Variants in SPATA6 observed in about 807,000 individuals in gnomAD.
The protein encoded by SPATA6 is spermatogenesis-associated protein 6.
A neutral mutation model predicts 65.3 loss-of-function variants in SPATA6; 56 were observed. The observed-to-expected ratio is 0.86, with a 90% CI of 0.69 to 1.07. The LOEUF is 1.07. Ranked by LOEUF, SPATA6 falls within the 50% of genes least tolerant of loss-of-function variation. The pLI is 0.00. For synonymous variants in SPATA6, 199 were observed against 213.2 expected (o/e 0.93, Z 0.58); for missense variants, 590 against 594.8 (o/e 0.99, Z 0.08).
intron 1 of SPATA6, among the ~76,000 whole-genome samples, chr1:48,455,650 G>A (rs1315228069): frequency 6.6e-6 from 1 of 152,116 alleles, no homozygotes; most frequent in African/African-American, 2.4e-5. Flanking sequence ...AAAGTGCTGG[G>A]ATTACAGGCA....
chr1:48,356,791 A>C (rs1295429291), intron 10 of SPATA6, among the ~76,000 whole-genome samples: 1 of 151,944 alleles, frequency 6.6e-6, no homozygotes. Context: ...GCATGAGCCC[A>C]GTTTGTTCTT....
intron 3 of SPATA6, among the ~76,000 whole-genome samples, chr1:48,435,338 T>G (rs957752127): frequency 4.6e-5 from 7 of 150,602 alleles, no homozygotes; most frequent in Admixed American, 1.3e-4. Flanking sequence ...GCTAAAGGAT[T>G]GTAAATGCAC....
chr1:48,462,691 A>G (rs1430545092), intron 1 of SPATA6, among the ~76,000 whole-genome samples: 1 of 152,232 alleles, frequency 6.6e-6, no homozygotes, highest in African/African-American at 2.4e-5. Context: ...GAGAGCATTT[A>G]CAACAATTGG....
intron 8 of SPATA6, among the ~76,000 whole-genome samples, chr1:48,394,648 C>T (rs1650407287): frequency 6.6e-6 from 1 of 151,974 alleles, no homozygotes; most frequent in South Asian, 2.1e-4. Flanking sequence ...TGTAATGATT[C>T]TATTAATGAT....
At chr1:48,300,213 C>T (rs1644904702) in intron 12 of SPATA6, among the ~76,000 whole-genome samples, 1 of 152,132 alleles carries the variant, frequency 6.6e-6, no homozygotes, top group Non-Finnish European at 1.5e-5. Flanking sequence ...TCCGGAATTA[C>T]ATTTTTTATG....
chr1:48,305,009 C>T lies in SPATA6; in HGVS notation c.1286+778G>A, dbSNP rs529848063. Reference sequence around the variant, plus strand: ...ACTGTTTAAAGAGAGGCCTAGGTTGCTTCTTGCTTGGGAGGCAATAACTTT... The same window carrying T: ...ACTGTTTAAAGAGAGGCCTAGGTTGTTTCTTGCTTGGGAGGCAATAACTTT... On this transcript the variant is annotated intron_variant, in intron 12 of 12. Transcript: ENST00000371847. Among the ~76,000 whole-genome samples, 4 of 152,246 alleles carry T rather than the reference C, an allele frequency of 2.6e-5. No individual in the cohort carries two copies. The South Asian group carries it at 8.3e-4, about 32-fold the overall frequency.
chr1:48,303,082 A>G (rs758954424), intron 12 of SPATA6, among the ~76,000 whole-genome samples: 1 of 152,112 alleles, frequency 6.6e-6, no homozygotes, highest in Non-Finnish European at 1.5e-5. Context: ...CCTCCAGGTT[A>G]TAATGTCACA....
chr1:48,452,204 C>G (rs1441716467), intron 2 of SPATA6, among the ~76,000 whole-genome samples: 47 of 151,222 alleles, frequency 3.1e-4, no homozygotes, highest in Admixed American at 3.0e-3. Flanking sequence ...AGAGTAGGTT[C>G]TGGAGAAAAA....
Position 48,298,354 on chromosome 1 carries a change from G to T in SPATA6, c.*359C>A. ...AGGCAAGATAACCAGTTAAGTAGAT[G>T]AGAAGAAAATTGCAAGGTGAGTAAG... On this transcript the variant is annotated 3_prime_UTR_variant, in exon 13 of 13. Coordinates refer to ENST00000371847, the MANE Select transcript of SPATA6 (RefSeq NM_019073.4). 6.3e-6 allele frequency: 1 copy of T among 159,478 alleles called. No homozygotes were observed. Among genetic ancestry groups the T allele is most frequent in the Non-Finnish European group, 1.4e-5 (1 of 73,176 alleles). 9.9% of individuals were successfully genotyped at this position (159,478 alleles called of 1,614,324 possible).
intron 11 of SPATA6, among the ~76,000 whole-genome samples, chr1:48,331,305 A>C (rs2148730347): frequency 6.6e-6 from 1 of 152,216 alleles, no homozygotes; most frequent in African/African-American, 2.4e-5. Flanking sequence ...GACTGCTGAA[A>C]CCCAATGCAA....
intron 9 of SPATA6, 89 bp downstream of exon 9, chr1:48,385,220 T>C: frequency 9.1e-7 from 1 of 1,099,248 alleles, no homozygotes. Flanking sequence ...AATTTGATAA[T>C]CCCTATCTGA....
At chr1:48,363,506 T>C (rs1193947166) in intron 9 of SPATA6, among the ~76,000 whole-genome samples, 2 of 152,106 alleles carry the variant, frequency 1.3e-5, no homozygotes, top group African/African-American at 4.8e-5. Flanking sequence ...ACACAAAAAT[T>C]AAATGAAAGG....
At chr1:48,470,144 T>G (rs1179878114) in intron 1 of SPATA6, among the ~76,000 whole-genome samples, 1 of 152,230 alleles carries the variant, frequency 6.6e-6, no homozygotes, top group Non-Finnish European at 1.5e-5. Flanking sequence ...GTCATTCACT[T>G]TTCTGCAATA....
At chr1:48,286,692 G>A in the SPATA6 span, among the ~76,000 whole-genome samples, 9 of 151,890 alleles carry the variant, frequency 5.9e-5, no homozygotes, top group African/African-American at 7.3e-5. Flanking sequence ...TATTAGTCAC[G>A]TCTTATATTG....
chr1:48,401,159 G>C (rs983433805), intron 6 of SPATA6, among the ~76,000 whole-genome samples: 12 of 151,794 alleles, frequency 7.9e-5, no homozygotes, highest in Non-Finnish European at 1.5e-4. Flanking sequence ...TCTGTTACTT[G>C]CCCTTCTCAT....
chr1:48,353,602 TAA>T (rs1646575220), intron 11 of SPATA6, among the ~76,000 whole-genome samples: 1 of 151,850 alleles, frequency 6.6e-6, no homozygotes, highest in African/African-American at 2.4e-5. Context: ...TTACTAGAGA[TAA>T]AGAGGGACAT....
the SPATA6 span, among the ~76,000 whole-genome samples, chr1:48,284,082 T>C: frequency 6.6e-6 from 1 of 152,314 alleles, no homozygotes; most frequent in East Asian, 1.9e-4. Context: ...AATGTAGGTT[T>C]GGTCTTTTCA....
chr1:48,359,802 C>T (rs1291961528), intron 9 of SPATA6, 32 bp from the exon 10 acceptor site: 26 of 1,502,150 alleles, frequency 1.7e-5, no homozygotes, highest in Non-Finnish European at 2.1e-5. Context: ...TATAGATATA[C>T]AAATACAGAT....
At chr1:48,461,235 T>C (rs867899786) in intron 1 of SPATA6, among the ~76,000 whole-genome samples, 2 of 152,274 alleles carry the variant, frequency 1.3e-5, no homozygotes, top group Middle Eastern at 3.4e-3. Flanking sequence ...ATTCTGGATA[T>C]TAGCCCTTTG....
Sources: allele counts gnomAD v4.1 joint callset (sites outside exome capture counted in the v4.1 genomes callset), GRCh38; gene constraint gnomAD v4.1.1; transcripts MANE v1.5; gene names NCBI Gene and HGNC (gene_info 2026-07-23, HGNC 2026-07-21).